ELOVL7: variants seen among roughly 807,000 people sequenced by gnomAD.
The protein encoded by ELOVL7 is very long chain fatty acid elongase 7.
In ELOVL7, 27 loss-of-function variants were observed where a neutral mutation model predicts 35.7. That is an observed-to-expected ratio of 0.76 (90% confidence interval 0.56 to 1.04). The LOEUF is 1.04. ELOVL7 is among the 50% of genes least tolerant of loss of function. ELOVL7 has a pLI of 0.00. For synonymous variants in ELOVL7, 113 were observed against 114.6 expected, an observed-to-expected ratio of 0.99 and a Z score of 0.09; for missense variants, 327 against 340.8, an observed-to-expected ratio of 0.96 and a Z score of 0.32.
chr5:60,754,924 G>A (rs754066221), intron 8 of ELOVL7, 91 bp from the exon 9 acceptor site: 124 of 1,035,310 alleles, frequency 1.2e-4, no homozygotes, highest in Middle Eastern at 2.9e-4. Flanking sequence ...CAAAGTGCAG[G>A]GAGTGCACTA....
At chr5:60,837,947 T>C (rs1489840398) in intron 1 of ELOVL7, among the ~76,000 whole-genome samples, 1 of 152,076 alleles carries the variant, frequency 6.6e-6, no homozygotes, top group Admixed American at 6.6e-5. Flanking sequence ...AAAAAAAAGA[T>C]ATCTAATGTA....
intron 7 of ELOVL7, among the ~76,000 whole-genome samples, chr5:60,759,852 T>C (rs1187242409): frequency 6.6e-6 from 1 of 151,890 alleles, no homozygotes; most frequent in Non-Finnish European, 1.5e-5. Flanking sequence ...TGTGTTCTCA[T>C]TGTTCAATTC....
At chr5:60,820,365 C>T (rs761087511) in intron 1 of ELOVL7, among the ~76,000 whole-genome samples, 1 of 152,196 alleles carries the variant, frequency 6.6e-6, no homozygotes, top group Non-Finnish European at 1.5e-5. Flanking sequence ...TGAGATAATA[C>T]ATTTGTGTTA....
intron 3 of ELOVL7, among the ~76,000 whole-genome samples, chr5:60,784,845 C>T (rs1358529829): frequency 6.6e-6 from 1 of 152,044 alleles, no homozygotes; most frequent in Non-Finnish European, 1.5e-5. Context: ...TTAGACCATG[C>T]CTGGGAAAAA....
At chr5:60,762,973 A>T (rs1742016270) in intron 7 of ELOVL7, among the ~76,000 whole-genome samples, 1 of 152,230 alleles carries the variant, frequency 6.6e-6, no homozygotes, top group Non-Finnish European at 1.5e-5. Context: ...GACAATATGC[A>T]TATAAGGGGA....
chr5:60,784,600 C>T (rs766846059), intron 3 of ELOVL7, among the ~76,000 whole-genome samples: 8 of 152,160 alleles, frequency 5.3e-5, no homozygotes, highest in Non-Finnish European at 8.8e-5. Flanking sequence ...AGTTTCCTTA[C>T]GCTACTCAGG....
intron 1 of ELOVL7, among the ~76,000 whole-genome samples, chr5:60,842,502 A>AAC (rs1468914198): frequency 6.6e-6 from 1 of 151,620 alleles, no homozygotes; most frequent in East Asian, 1.9e-4. Flanking sequence ...TTCTTAAAAA[A>AAC]AAAAAAAGCG....
chr5:60,809,715 C>CA (rs771203454), intron 1 of ELOVL7, among the ~76,000 whole-genome samples: 2 of 152,064 alleles, frequency 1.3e-5, no homozygotes, highest in Non-Finnish European at 2.9e-5. Context: ...ATGCCTAAGG[C>CA]AAAAGCTTTG....
At chr5:60,765,301 G>A (rs1293082871) in intron 6 of ELOVL7, among the ~76,000 whole-genome samples, 1 of 152,174 alleles carries the variant, frequency 6.6e-6, no homozygotes, top group Non-Finnish European at 1.5e-5. Flanking sequence ...GCATTCCTCT[G>A]GGTAAGTCAT....
At chr5:60,758,964 C>A (rs1303987124) in intron 7 of ELOVL7, among the ~76,000 whole-genome samples, 1 of 152,044 alleles carries the variant, frequency 6.6e-6, no homozygotes, top group African/African-American at 2.4e-5. Flanking sequence ...CTATGAATTA[C>A]AGAAAGTTTA....
At chr5:60,802,629 T>C (rs1744712471) in intron 1 of ELOVL7, 1 of 152,100 alleles carries the variant, frequency 6.6e-6, no homozygotes, top group East Asian at 1.9e-4. Flanking sequence ...AAACTAACCT[T>C]TTATATCTGG....
chr5:60,783,608 T>G (rs1743390889), intron 3 of ELOVL7, among the ~76,000 whole-genome samples: 1 of 152,188 alleles, frequency 6.6e-6, no homozygotes, highest in African/African-American at 2.4e-5. Context: ...GGATCTGTTC[T>G]TCCAAACAGC....
chr5:60,829,770 C>T (rs965601812), intron 1 of ELOVL7, among the ~76,000 whole-genome samples: 1 of 152,118 alleles, frequency 6.6e-6, no homozygotes. Flanking sequence ...AAACAGGAGT[C>T]AGGTATTTCT....
At chr5:60,822,207 A>C (rs1456912424) in intron 1 of ELOVL7, among the ~76,000 whole-genome samples, 5 of 152,236 alleles carry the variant, frequency 3.3e-5, no homozygotes, top group Non-Finnish European at 5.9e-5. Context: ...TAGGATAGTC[A>C]AATGCACTGA....
At chr5:60,832,597 C>T (rs992701910) in intron 1 of ELOVL7, among the ~76,000 whole-genome samples, 1 of 152,214 alleles carries the variant, frequency 6.6e-6, no homozygotes, top group Non-Finnish European at 1.5e-5. Context: ...ACCTCTTGAC[C>T]TTGTGATCTG....
At chr5:60,781,096 G>T (rs111916816) in intron 3 of ELOVL7, among the ~76,000 whole-genome samples, 3,908 of 151,966 alleles carry the variant, frequency 0.026, 129 homozygotes, top group African/African-American at 0.07. Context: ...TGTAATCACA[G>T]CTATCTGGGA....
intron 2 of ELOVL7, among the ~76,000 whole-genome samples, chr5:60,797,338 G>A (rs964967792): frequency 3.3e-5 from 5 of 152,048 alleles, no homozygotes; most frequent in Non-Finnish European, 5.9e-5. Flanking sequence ...GGTATTTTAT[G>A]TATCACCCTC....
intron 3 of ELOVL7, among the ~76,000 whole-genome samples, chr5:60,782,105 A>G (rs1484450477): frequency 6.6e-6 from 1 of 152,240 alleles, no homozygotes; most frequent in Non-Finnish European, 1.5e-5. Context: ...CTGAACAGAC[A>G]TTTCTCAAAA....
intron 1 of ELOVL7, among the ~76,000 whole-genome samples, chr5:60,817,017 G>C (rs1168075722): frequency 1.3e-5 from 2 of 151,988 alleles, no homozygotes; most frequent in African/African-American, 4.8e-5. Context: ...GTAAACCTGA[G>C]CTAATTATTT....
Sources: allele counts gnomAD v4.1 joint callset (sites outside exome capture counted in the v4.1 genomes callset), GRCh38; gene constraint gnomAD v4.1.1; transcripts MANE v1.5; gene names NCBI Gene and HGNC (gene_info 2026-07-23, HGNC 2026-07-21).